The following MACROD2 variants were observed in gnomAD, a reference collection of about 807,000 sequenced individuals.
MACROD2 encodes the protein mono-ADP ribosylhydrolase 2, also known as ADP-ribose glycohydrolase MACROD2.
In MACROD2, 36 loss-of-function variants were observed where a neutral mutation model predicts 70.4. The ratio of observed to expected loss-of-function variants is 0.51; its 90% CI spans 0.39 to 0.68. MACROD2 has a LOEUF of 0.68. MACROD2 is among the 30% of genes least tolerant of loss of function. The pLI is 0.00. For missense variants in MACROD2, 496 were observed against 538.4 expected, an observed-to-expected ratio of 0.92 and a Z score of 0.78; for synonymous variants, 172 against 178.8, an observed-to-expected ratio of 0.96 and a Z score of 0.30.
chr20:15,941,071 T>A (rs553895654), intron 12 of MACROD2, among the ~76,000 whole-genome samples: 59 of 152,310 alleles, frequency 3.9e-4, no homozygotes, highest in African/African-American at 1.4e-3. Context: ...TTGATGCTTT[T>A]AGGAACTCAC....
At chr20:15,551,338 A>G (rs753207160) in intron 8 of MACROD2, among the ~76,000 whole-genome samples, 1 of 77,252 alleles carries the variant, frequency 1.3e-5, no homozygotes, top group Non-Finnish European at 2.1e-5. Flanking sequence ...TTTAATATTT[A>G]AAAAAAAAAA....
intron 3 of MACROD2, among the ~76,000 whole-genome samples, chr20:14,319,776 C>G (rs78871987): frequency 1.3e-5 from 2 of 151,952 alleles, no homozygotes; most frequent in African/African-American, 4.8e-5. Context: ...CTCTGCAATC[C>G]CCCCCTTTTT....
Position 15,911,895 on chromosome 20 carries a change from A to G in MACROD2, c.776-21381A>G, listed in dbSNP as rs180841143. Among the ~76,000 whole-genome samples the G allele has an allele frequency of 2.2e-4, 34 of 152,294 alleles. No individual in the cohort carries two copies. The East Asian group carries it at 4.8e-3, about 22-fold the overall frequency. On this transcript the variant is annotated intron_variant, in intron 10 of 17. Transcript: ENST00000684519. ...TTGGCATGTGCGTGTAATCCTGGCT[A>G]CTCAGGAGGCTGAGGCAGGAGAATC...
At chr20:14,062,657 C>G (rs1480590603) in intron 2 of MACROD2, among the ~76,000 whole-genome samples, 1 of 152,046 alleles carries the variant, frequency 6.6e-6, no homozygotes, top group Non-Finnish European at 1.5e-5. Flanking sequence ...TACTGTTTAA[C>G]TTATGCCAGG....
At chr20:14,718,225 G>A (rs1417740450) in intron 5 of MACROD2, among the ~76,000 whole-genome samples, 10 of 148,176 alleles carry the variant, frequency 6.7e-5, no homozygotes, top group Admixed American at 5.4e-4. Flanking sequence ...TCCAGGAGGC[G>A]GAGGTTGTGG....
chr20:14,180,618 A>G (rs191243503), intron 3 of MACROD2, among the ~76,000 whole-genome samples: 11 of 152,272 alleles, frequency 7.2e-5, no homozygotes, highest in Admixed American at 3.9e-4. Flanking sequence ...TTATGAAGCA[A>G]TAAAACTGCC....
At chr20:15,564,586 A>G (rs2048287308) in intron 8 of MACROD2, among the ~76,000 whole-genome samples, 1 of 152,224 alleles carries the variant, frequency 6.6e-6, no homozygotes, top group African/African-American at 2.4e-5. Context: ...GGGAAATAGA[A>G]CAAGACTAAC....
chr20:15,126,142 A>T (rs1453601456), intron 5 of MACROD2, among the ~76,000 whole-genome samples: 2 of 144,438 alleles, frequency 1.4e-5, no homozygotes, highest in Non-Finnish European at 3.0e-5. Context: ...TGCTCTTATG[A>T]ATAGTTCTGT....
chr20:14,439,326 G>C (rs1461019353), intron 3 of MACROD2, among the ~76,000 whole-genome samples: 5 of 152,054 alleles, frequency 3.3e-5, no homozygotes, highest in African/African-American at 1.2e-4. Context: ...AAATCGGGCA[G>C]TGTGATGCCT....
At chr20:14,773,194 A>C (rs1189350532) in intron 5 of MACROD2, among the ~76,000 whole-genome samples, 1 of 152,094 alleles carries the variant, frequency 6.6e-6, no homozygotes, top group East Asian at 1.9e-4. Flanking sequence ...TTGCCACTAA[A>C]ATTGCCAACT....
chr20:15,778,568 A>T (rs6043539), intron 8 of MACROD2, among the ~76,000 whole-genome samples: 48,556 of 151,836 alleles, frequency 0.32, 8,679 homozygotes, highest in East Asian at 0.53. Context: ...TTTGATGAGA[A>T]TATTTTAATC....
At chr20:15,138,065 T>C (rs2076164100) in intron 5 of MACROD2, among the ~76,000 whole-genome samples, 1 of 152,150 alleles carries the variant, frequency 6.6e-6, no homozygotes, top group Admixed American at 6.6e-5. Context: ...GTAAAATAAT[T>C]GAGTAACCCC....
intron 3 of MACROD2, among the ~76,000 whole-genome samples, chr20:14,093,599 G>T (rs1367604664): frequency 6.6e-6 from 1 of 151,586 alleles, no homozygotes. Flanking sequence ...CATATGCTTA[G>T]CTCTTTACGG....
chr20:15,593,386 C>A (rs763969530), intron 8 of MACROD2, among the ~76,000 whole-genome samples: 2 of 152,166 alleles, frequency 1.3e-5, no homozygotes, highest in Non-Finnish European at 2.9e-5. Flanking sequence ...TCTTTTTCCA[C>A]TTGCAGAATT....
At chr20:14,514,866 A>G (rs2085073887) in intron 4 of MACROD2, among the ~76,000 whole-genome samples, 1 of 152,184 alleles carries the variant, frequency 6.6e-6, no homozygotes, top group Non-Finnish European at 1.5e-5. Flanking sequence ...CCACTGCTTA[A>G]GCAATAGCAT....
intron 5 of MACROD2, among the ~76,000 whole-genome samples, chr20:15,202,744 A>G (rs887209165): frequency 1.3e-5 from 2 of 152,182 alleles, no homozygotes; most frequent in African/African-American, 4.8e-5. Context: ...AGGTATTATG[A>G]TATTTTATCT....
intron 6 of MACROD2, among the ~76,000 whole-genome samples, chr20:15,408,028 C>A (rs1432284105): frequency 6.6e-6 from 1 of 152,196 alleles, no homozygotes; most frequent in Non-Finnish European, 1.5e-5. Context: ...TCCAAATACT[C>A]TGTTAACAAA....
At chr20:15,781,457 A>C (rs978860238) in intron 8 of MACROD2, among the ~76,000 whole-genome samples, 1 of 112,294 alleles carries the variant, frequency 8.9e-6, no homozygotes, top group Non-Finnish European at 1.8e-5. Context: ...TATTTCTTAT[A>C]GTTCTGAGGC....
intron 8 of MACROD2, among the ~76,000 whole-genome samples, chr20:15,695,656 G>T (rs904785683): frequency 6.6e-6 from 1 of 152,034 alleles, no homozygotes; most frequent in Non-Finnish European, 1.5e-5. Context: ...TGATCCACCC[G>T]CCTCGGCCTC....
Sources: gnomAD v4.1 joint callset for allele counts (sites outside exome capture counted in the v4.1 genomes callset) on GRCh38, gnomAD v4.1.1 for gene constraint, MANE v1.5 for transcripts, NCBI Gene and HGNC (gene_info 2026-07-23, HGNC 2026-07-21) for gene names.